The following PKHD1L1 variants were observed in gnomAD, a reference collection of about 807,000 sequenced individuals.
PKHD1L1 encodes the protein fibrocystin-L.
Under a neutral mutation model 462.9 loss-of-function variants are expected in PKHD1L1, and 434 were observed. The observed-to-expected ratio is 0.94, with a 90% confidence interval of 0.87 to 1.02. PKHD1L1 has a LOEUF of 1.02. Among genes scored for constraint, PKHD1L1 ranks in the 50% least tolerant of loss-of-function variants. The pLI, the probability that PKHD1L1 is intolerant of heterozygous loss-of-function variation, is 0.00. For missense variants in PKHD1L1, 5,202 were observed against 5,096.1 expected (o/e 1.02, Z -0.63); for synonymous variants, 1,781 against 1,750.0 (o/e 1.02, Z -0.44).
chr8:109,404,664 A>G lies in PKHD1L1; in HGVS notation c.1484A>G (p.Asn495Ser). 6.2e-7 allele frequency: 1 copy of G among 1,608,772 alleles called. No homozygotes were observed. Among genetic ancestry groups the G allele is most frequent in the Non-Finnish European group, 8.5e-7 (1 of 1,177,252 alleles). Residue 495 changes from asparagine to serine, a missense_variant, in exon 15 of 78, where the codon AAT (asparagine) becomes AGT (serine). Around this residue, in one of 3 missense-constraint regions of PKHD1L1, gnomAD observed 4,497 missense variants for 4,336.8 expected, o/e 1.04. Transcript: ENST00000378402. ...GAACAACAAACAGGAGATGCAGTGA[A>G]TGAAGAACAAGTTATCAAATCCCAG... ...YTEQQTGDAVNEEQVIKSQST... is the reference protein window; with the variant it reads ...YTEQQTGDAVSEEQVIKSQST...
At chr8:109,389,302 T>C (rs1812594554) in intron 8 of PKHD1L1, 150 bp downstream of exon 8, 1 of 561,410 alleles carries the variant, frequency 1.8e-6, no homozygotes, top group Non-Finnish European at 3.1e-6. Flanking sequence ...CTTGGCTTCT[T>C]TTCACTTTCA....
At chr8:109,445,880 A>G (rs1039763275) in intron 38 of PKHD1L1, among the ~76,000 whole-genome samples, 5 of 152,218 alleles carry the variant, frequency 3.3e-5, no homozygotes, top group East Asian at 1.9e-4. Flanking sequence ...CAAAATTCCC[A>G]TTAACCTGAC....
intron 70 of PKHD1L1, among the ~76,000 whole-genome samples, chr8:109,508,512 A>T (rs895906627): frequency 1.3e-5 from 2 of 152,034 alleles, no homozygotes; most frequent in African/African-American, 4.8e-5. Flanking sequence ...AGGGATGGAG[A>T]GGAGAGCAAG....
intron 55 of PKHD1L1, chr8:109,480,439 A>G (rs1438385768): frequency 2.4e-6 from 1 of 415,162 alleles, no homozygotes; most frequent in Non-Finnish European, 4.5e-6. Context: ...GCTTGTTCCA[A>G]CAAAGAGTCC....
intron 68 of PKHD1L1, among the ~76,000 whole-genome samples, chr8:109,505,538 A>G (rs1451791331): frequency 6.6e-6 from 1 of 152,126 alleles, no homozygotes; most frequent in Non-Finnish European, 1.5e-5. Context: ...GGCAGAAAAA[A>G]TTTTATTACT....
At chr8:109,520,467 C>A (rs1820492470) in intron 73 of PKHD1L1, among the ~76,000 whole-genome samples, 1 of 152,060 alleles carries the variant, frequency 6.6e-6, no homozygotes, top group African/African-American at 2.4e-5. Flanking sequence ...ACATCCATCC[C>A]CTTAAAGCAG....
At chr8:109,369,112 G>A (rs1811367842) in intron 2 of PKHD1L1, among the ~76,000 whole-genome samples, 1 of 151,966 alleles carries the variant, frequency 6.6e-6, no homozygotes, top group African/African-American at 2.4e-5. Flanking sequence ...CCAAGTAGCA[G>A]GGTTTACAGG....
In PKHD1L1 at chr8:109,486,730, A is replaced by T. The variant is rs1818547694; in HGVS notation, c.9789A>T (p.Ile3263=). The change falls in exon 59 of 78, where the codon ATA becomes ATT. Residue 3263 remains isoleucine, a synonymous_variant. Transcript: ENST00000378402. ...GGATACTGAGTAGGAACATCAAAAT[A>T]GTTGGTGAAGATTACCCCGGTTGGT... ...DVGILSRNIK[I]VGEDYPGWSE... 2 of 1,612,536 alleles carry T rather than the reference A, an allele frequency of 1.2e-6. No homozygotes were observed. The highest frequency in any genetic ancestry group is 1.3e-5 in the African/African-American group (1 of 74,906).
At chr8:109,410,726 C>CTTTTTTTTTTTTTTTTTTGTTTTTT (rs1813800320) in intron 19 of PKHD1L1, among the ~76,000 whole-genome samples, 5 of 68,386 alleles carry the variant, frequency 7.3e-5, no homozygotes, top group East Asian at 5.2e-4. Flanking sequence ...TTTTCTTTTT[C>CTTTTTTTTTTTTTTTTTTGTTTTTT]TTTTTTTTTT....
In PKHD1L1 at chr8:109,510,914, C is replaced by A; in HGVS notation, c.11533C>A (p.Leu3845Ile). Residue 3845 changes from leucine to isoleucine, a missense_variant, in exon 71 of 78, where the codon CTT becomes ATT. Coordinates refer to ENST00000378402, the MANE Select transcript of PKHD1L1 (RefSeq NM_177531.6). The part of the protein sequence containing the change: ...TSPQNLRLML[L>I]NVDHNKAVLV... ...TCCTCAGAATCTTCGACTGATGTTG[C>A]TTAATGTTGATCATAACAAGGTAGG... 6.2e-7 allele frequency: 1 copy of A among 1,612,914 alleles called. No homozygotes were observed. Among genetic ancestry groups the A allele is most frequent in the Non-Finnish European group, 8.5e-7 (1 of 1,179,282 alleles).
intron 18 of PKHD1L1, among the ~76,000 whole-genome samples, chr8:109,408,564 C>T (rs886171578): frequency 1.3e-5 from 2 of 152,072 alleles, no homozygotes; most frequent in African/African-American, 4.8e-5. Flanking sequence ...AGATGTAGTG[C>T]AATAAAAGCT....
chr8:109,455,444 C>T (rs1434223425), intron 45 of PKHD1L1, among the ~76,000 whole-genome samples: 1 of 152,182 alleles, frequency 6.6e-6, no homozygotes, highest in African/African-American at 2.4e-5. Context: ...CTCCTCTTCC[C>T]CTTTTCCATG....
chr8:109,515,739 G>A (rs1820236185), intron 72 of PKHD1L1, among the ~76,000 whole-genome samples: 1 of 152,112 alleles, frequency 6.6e-6, no homozygotes, highest in Non-Finnish European at 1.5e-5. Context: ...TCAACTGAAG[G>A]TTGTGAAGTA....
rs537296026 is a variant in PKHD1L1, at chr8:109,522,558, G to T, written c.12184-186G>T. Among the ~76,000 whole-genome samples the T allele has an allele frequency of 2.8e-4, 43 of 152,176 alleles. No homozygotes were observed. The highest frequency in any genetic ancestry group is 1.4e-3 in the Admixed American group (21 of 15,282). ...TGTGTATTGGTTATAAATTTGTTTT[G>T]CTTTGCATATTTATAACAATGCTTC... is the stretch of plus-strand genomic sequence containing the variant. On this transcript the variant is annotated intron_variant, in intron 74 of 77. Coordinates refer to ENST00000378402, the MANE Select transcript of PKHD1L1 (RefSeq NM_177531.6).
At chr8:109,442,312 A>G in intron 35 of PKHD1L1, 117 bp downstream of exon 35, 1 of 1,014,910 alleles carries the variant, frequency 9.9e-7, no homozygotes, top group Non-Finnish European at 1.4e-6. Context: ...CAAATGCGTA[A>G]GGTATTTGGC....
At chr8:109,370,635 T>A (rs1032232633) in intron 2 of PKHD1L1, among the ~76,000 whole-genome samples, 4 of 152,274 alleles carry the variant, frequency 2.6e-5, no homozygotes, top group Admixed American at 2.6e-4. Flanking sequence ...ATTAGGTATA[T>A]CTACTAATGC....
In PKHD1L1 at chr8:109,466,606, C is replaced by T. The variant is rs748537890; in HGVS notation, c.8442C>T (p.His2814=). The stretch of plus-strand genomic sequence containing the variant: ...ACAAAGGACATACCGTCATTCCACA[C>T]AGCTCATTGCTAGACCCTTCTCATT... The part of the protein sequence containing the change: ...TGHKGHTVIP[H]SSLLDPSHCT... Residue 2814 remains histidine (H), a synonymous_variant, in exon 50 of 78, where the codon CAC becomes CAT. Coordinates refer to ENST00000378402, the MANE Select transcript of PKHD1L1 (RefSeq NM_177531.6). The T allele has an allele frequency of 5.0e-6, 8 of 1,605,998 alleles. No homozygotes were observed. In the South Asian group the frequency reaches 7.8e-5, roughly 16 times the overall value.
intron 53 of PKHD1L1, among the ~76,000 whole-genome samples, chr8:109,478,147 T>G (rs1054825848): frequency 6.6e-6 from 1 of 152,162 alleles, no homozygotes; most frequent in Non-Finnish European, 1.5e-5. Context: ...GTGTAACAAG[T>G]ACAACTCAAT....
chr8:109,385,506 G>T, intron 5 of PKHD1L1, 31 bp from the exon 6 acceptor site: 1 of 1,426,104 alleles, frequency 7.0e-7, no homozygotes, highest in Non-Finnish European at 9.7e-7. Flanking sequence ...TTCTTACACA[G>T]AATCTTTTTG....
Sources: allele counts gnomAD v4.1 joint callset (sites outside exome capture counted in the v4.1 genomes callset), GRCh38; gene constraint gnomAD v4.1.1; regional missense constraint gnomAD v4.1.1; transcripts MANE v1.5; gene names NCBI Gene and HGNC (gene_info 2026-07-23, HGNC 2026-07-21).